The following PPA2 variants were observed in gnomAD, a reference collection of about 807,000 sequenced individuals.
PPA2 encodes the protein inorganic pyrophosphatase 2.
Under a neutral mutation model 49.5 loss-of-function variants are expected in PPA2, and 48 were observed. The observed-to-expected ratio is 0.97, with a 90% CI of 0.77 to 1.23. PPA2 has a LOEUF of 1.23. PPA2 is among the 50% of genes most tolerant of loss of function. The probability of loss-of-function intolerance (pLI) is 0.00; values close to 1 mark genes in which losing one functional copy is unlikely to be tolerated. For missense variants in PPA2, 429 were observed against 410.1 expected, an observed-to-expected ratio of 1.05 and a Z score of -0.40; for synonymous variants, 131 against 139.9, an observed-to-expected ratio of 0.94 and a Z score of 0.45.
At chr4:105,405,965 A>T (rs1471686420) in intron 7 of PPA2, 4 of 367,252 alleles carry the variant, frequency 1.1e-5, no homozygotes, top group Admixed American at 3.4e-5. Flanking sequence ...CAAGAGAAAA[A>T]GCAGTTAACA....
intron 10 of PPA2, among the ~76,000 whole-genome samples, chr4:105,382,119 T>A (rs1239696475): frequency 6.6e-6 from 1 of 152,008 alleles, no homozygotes; most frequent in Non-Finnish European, 1.5e-5. Context: ...AATATTTTAG[T>A]TTTAAATATA....
intron 1 of PPA2, among the ~76,000 whole-genome samples, chr4:105,464,600 A>C (rs1723225529): frequency 6.6e-6 from 1 of 152,166 alleles, no homozygotes; most frequent in Non-Finnish European, 1.5e-5. Flanking sequence ...TTGAATTCCC[A>C]CATGTTGTGG....
intron 10 of PPA2, 118 bp from the exon 11 acceptor site, chr4:105,370,991 C>A: frequency 1.0e-6 from 1 of 958,442 alleles, no homozygotes; most frequent in Non-Finnish European, 1.4e-6. Context: ...GGATCTCTAA[C>A]CTGAAAAAGG....
rs144503235 is a variant in PPA2 at position 105,449,372 on chromosome 4, C to T, written c.299G>A (p.Arg100Gln). 2.4e-5 allele frequency: 37 copies of T among 1,573,798 alleles called. No homozygotes were observed. The African/African-American group carries it at 3.8e-4, about 16-fold the overall frequency. The stretch of plus-strand genomic sequence containing the variant: ...TACCTCCATTTTAGCATTTGTCCAC[C>T]GAGGTATTTCTACAATCATATTAAA... ...NLFNMIVEIP[R>Q]WTNAKMEIAT... The change falls in exon 4 of 12, where the codon CGG becomes CAG. Residue 100 changes from arginine to glutamine, a missense_variant. Coordinates refer to ENST00000341695, the MANE Select transcript of PPA2 (RefSeq NM_176869.3).
chr4:105,444,400 C>T (rs1261620794), intron 5 of PPA2, among the ~76,000 whole-genome samples: 2 of 152,160 alleles, frequency 1.3e-5, no homozygotes, highest in African/African-American at 4.8e-5. Flanking sequence ...AAAGCATCTG[C>T]AAATTTGTGT....
intron 6 of PPA2, among the ~76,000 whole-genome samples, chr4:105,427,541 T>C (rs995828697): frequency 1.3e-5 from 2 of 151,992 alleles, no homozygotes; most frequent in African/African-American, 4.8e-5. Context: ...GCACGAGAAC[T>C]TCGTGAAGCA....
At chr4:105,415,191 C>T (rs1722950760) in intron 7 of PPA2, among the ~76,000 whole-genome samples, 1 of 152,214 alleles carries the variant, frequency 6.6e-6, no homozygotes, top group Non-Finnish European at 1.5e-5. Flanking sequence ...AGGCTTCAGG[C>T]CATCCCTGGC....
intron 10 of PPA2, among the ~76,000 whole-genome samples, chr4:105,373,361 C>T (rs985603888): frequency 6.6e-5 from 10 of 152,016 alleles, no homozygotes; most frequent in Non-Finnish European, 1.2e-4. Context: ...GACCATAAAA[C>T]GGGTTAACCT....
At chr4:105,468,905 C>T (rs1723414253) in intron 1 of PPA2, among the ~76,000 whole-genome samples, 1 of 152,168 alleles carries the variant, frequency 6.6e-6, no homozygotes, top group Non-Finnish European at 1.5e-5. Context: ...TATCTTATAT[C>T]AACACACCCA....
At chr4:105,454,975 C>G (rs1722822290) in intron 2 of PPA2, among the ~76,000 whole-genome samples, 1 of 152,274 alleles carries the variant, frequency 6.6e-6, no homozygotes, top group South Asian at 2.1e-4. Flanking sequence ...ACAGATTTTG[C>G]TATAGCATAC....
chr4:105,464,966 A>G (rs1411192164), intron 1 of PPA2, among the ~76,000 whole-genome samples: 1 of 151,966 alleles, frequency 6.6e-6, no homozygotes, highest in Non-Finnish European at 1.5e-5. Flanking sequence ...CTGCATATTT[A>G]TTTTTTCATA....
intron 6 of PPA2, among the ~76,000 whole-genome samples, chr4:105,437,234 T>C (rs969966752): frequency 7.6e-5 from 11 of 144,482 alleles, no homozygotes; most frequent in African/African-American, 2.3e-4. Context: ...TTAAACCACA[T>C]TGAAAGTTTT....
intron 1 of PPA2, among the ~76,000 whole-genome samples, chr4:105,466,895 A>C (rs747170759): frequency 4.6e-5 from 7 of 152,134 alleles, no homozygotes; most frequent in Non-Finnish European, 1.0e-4. Context: ...TTCCCTTACC[A>C]GTCGAATGTC....
chr4:105,453,868 A>G (rs1722768164), intron 2 of PPA2: 1 of 382,206 alleles, frequency 2.6e-6, no homozygotes, highest in African/African-American at 2.1e-5. Flanking sequence ...CAGAAAAGCC[A>G]AACCTCTTTC....
chr4:105,450,601 CTTTTTTTTTT>C (rs575896250), intron 3 of PPA2, among the ~76,000 whole-genome samples: 7 of 82,666 alleles, frequency 8.5e-5, no homozygotes, highest in Middle Eastern at 7.5e-3. Context: ...GTCTGGAATT[CTTTTTTTTTT>C]TTTTTTTTTT....
Position 105,457,379 on chromosome 4 carries a change from TTTTACTGGAATACA to T in PPA2, c.158-648_158-635del, listed in dbSNP as rs1167124781. Among the ~76,000 whole-genome samples the T allele has an allele frequency of 5.3e-5, 8 of 152,328 alleles. No homozygotes were observed. The East Asian group carries it at 1.5e-3, about 29-fold the overall frequency. ...TGCCTTGTAAATAAATACAATGCAC[TTTTACTGGAATACA>T]TCTGTTTCCAAAAGCTAAGCTTAAT... On this transcript the variant is annotated intron_variant, in intron 1 of 11. Coordinates refer to ENST00000341695, the MANE Select transcript of PPA2 (RefSeq NM_176869.3).
intron 1 of PPA2, among the ~76,000 whole-genome samples, chr4:105,458,677 C>T (rs1722961652): frequency 6.6e-6 from 1 of 151,836 alleles, no homozygotes; most frequent in Non-Finnish European, 1.5e-5. Flanking sequence ...CAAAAATTAG[C>T]TGGGCGTGGT....
intron 6 of PPA2, among the ~76,000 whole-genome samples, chr4:105,425,346 A>G (rs1266705330): frequency 6.6e-6 from 1 of 152,306 alleles, no homozygotes; most frequent in East Asian, 1.9e-4. Context: ...AAAGAAAAAC[A>G]TGACAATATG....
At chr4:105,403,291 T>C (rs35570651) in intron 7 of PPA2, among the ~76,000 whole-genome samples, 1,717 of 152,260 alleles carry the variant, frequency 0.011, 15 homozygotes, top group Non-Finnish European at 0.018. Flanking sequence ...GTGTTCCTCC[T>C]GCCTTGGCCT....
Sources: allele counts gnomAD v4.1 joint callset (sites outside exome capture counted in the v4.1 genomes callset), GRCh38; gene constraint gnomAD v4.1.1; transcripts MANE v1.5; gene names NCBI Gene and HGNC (gene_info 2026-07-23, HGNC 2026-07-21).